ARHGEF10: variants seen among roughly 807,000 people sequenced by gnomAD.
ARHGEF10 encodes the protein Rho guanine nucleotide exchange factor (GEF) 10.
A neutral mutation model predicts 147.4 loss-of-function variants in ARHGEF10; 140 were observed. The ratio of observed to expected loss-of-function variants is 0.95; its 90% confidence interval spans 0.83 to 1.09. The LOEUF is 1.09. ARHGEF10 is among the 50% of genes least tolerant of loss of function. The pLI is 0.00. For synonymous variants in ARHGEF10, 902 were observed against 695.8 expected, an observed-to-expected ratio of 1.30 and a Z score of -4.67; for missense variants, 2,222 against 1,752.7, an observed-to-expected ratio of 1.27 and a Z score of -4.78.
chr8:1,900,031 C>G (rs1383833419), intron 15 of ARHGEF10, among the ~76,000 whole-genome samples: 4 of 152,238 alleles, frequency 2.6e-5, no homozygotes, highest in African/African-American at 4.8e-5. Flanking sequence ...CAAGTGCTGA[C>G]TGTGTTGTGA....
intron 18 of ARHGEF10, 128 bp downstream of exon 18, chr8:1,909,598 G>A (rs1811206304): frequency 7.8e-7 from 1 of 1,279,454 alleles, no homozygotes; most frequent in Non-Finnish European, 1.1e-6. Context: ...GTCTGCAGAG[G>A]TGATCCAGTC....
chr8:1,933,486 C>G (rs1006452033), intron 25 of ARHGEF10, among the ~76,000 whole-genome samples: 1 of 143,376 alleles, frequency 7.0e-6, no homozygotes, highest in South Asian at 2.1e-4. Context: ...CGATCTTACC[C>G]TGAAGGAAGC....
chr8:1,908,270 A>T (rs1008399685), intron 17 of ARHGEF10, among the ~76,000 whole-genome samples: 1 of 130,304 alleles, frequency 7.7e-6, no homozygotes. Context: ...TCGCTCTGTC[A>T]CCCAGGCTGG....
intron 7 of ARHGEF10, chr8:1,869,460 A>C: frequency 2.9e-6 from 2 of 684,856 alleles, no homozygotes; most frequent in Non-Finnish European, 5.3e-6. Context: ...AGGGCAGTTT[A>C]ATCTTACTTA....
chr8:1,951,946 A>ACCACCGTGAGGCGGGGTCTTCCCTGTAG (rs1349959753), intron 27 of ARHGEF10, among the ~76,000 whole-genome samples: 1 of 152,120 alleles, frequency 6.6e-6, no homozygotes, highest in East Asian at 1.9e-4. Context: ...CTTCCCTGTA[A>ACCACCGTGAGGCGGGGTCTTCCCTGTAG]CCGCCGTGAG....
chr8:1,919,644 G>T (rs113628759), intron 18 of ARHGEF10, among the ~76,000 whole-genome samples: 12,619 of 147,682 alleles, frequency 0.085, 740 homozygotes, highest in Middle Eastern at 0.16. Context: ...TTCTGTGGGT[G>T]ATGAGCTGTT....
At chr8:1,836,968 G>A (rs978527759) in intron 1 of ARHGEF10, among the ~76,000 whole-genome samples, 125 of 152,312 alleles carry the variant, frequency 8.2e-4, no homozygotes, top group Middle Eastern at 3.4e-3. Flanking sequence ...ATGATTCTGA[G>A]GCCTCCCCAG....
intron 8 of ARHGEF10, among the ~76,000 whole-genome samples, chr8:1,879,028 C>G (rs1465659482): frequency 6.6e-6 from 1 of 152,200 alleles, no homozygotes; most frequent in Admixed American, 6.5e-5. Context: ...GTGCTGCAGG[C>G]AGCACCAAGT....
chr8:1,830,214 A>C (rs1803007817), intron 1 of ARHGEF10, among the ~76,000 whole-genome samples: 1 of 152,184 alleles, frequency 6.6e-6, no homozygotes, highest in Non-Finnish European at 1.5e-5. Flanking sequence ...GGAGATTTCC[A>C]CTGCAATCCG....
At chr8:1,905,471 T>C in intron 16 of ARHGEF10, 100 bp from the exon 17 acceptor site, 7 of 1,476,594 alleles carry the variant, frequency 4.7e-6, no homozygotes, top group South Asian at 1.1e-5. Flanking sequence ...GCGCTCAGTT[T>C]GGAAAAGTCA....
intron 26 of ARHGEF10, 54 bp from the exon 27 acceptor site, chr8:1,945,427 C>T: frequency 6.5e-7 from 1 of 1,548,620 alleles, no homozygotes; most frequent in Non-Finnish European, 8.7e-7. Context: ...ACCCAACAGG[C>T]CCCACTCAGA....
rs368756089 is a variant in ARHGEF10, at chr8:1,923,515, G to A, written c.2307G>A (p.Arg769=). ...VAHDWTSGLQ[R]LILKKEDEIR... is the part of the protein sequence containing the mutation. ...ATGACTGGACATCAGGTTTACAAAG[G>A]CTTATTTTGAAGAAAGAAGATGAAA... Residue 769 remains arginine, a synonymous_variant, in exon 20 of 29, where the codon AGG becomes AGA. Coordinates refer to ENST00000349830, the MANE Select transcript of ARHGEF10 (RefSeq NM_014629.4). The A allele has an allele frequency of 6.2e-7, 1 of 1,614,080 alleles. No homozygotes were observed. The highest frequency in any genetic ancestry group is 1.7e-5 in the Admixed American group (1 of 60,020).
chr8:1,909,415 G>A lies in ARHGEF10; in HGVS notation c.2088G>A (p.Arg696=). 1 of 1,614,128 alleles carries A rather than the reference G, an allele frequency of 6.2e-7. No individual in the cohort carries two copies. Residue 696 remains arginine, a synonymous_variant, in exon 18 of 29, where the codon AGG becomes AGA. Coordinates refer to ENST00000349830, the MANE Select transcript of ARHGEF10 (RefSeq NM_014629.4). The part of the protein sequence containing the change: ...GSSAGTGEHS[R]HLAVHPPESL... ...GCGCAGGCACGGGCGAGCACAGCAG[G>A]CACCTTGCCGTTCACCCGCCGGAGA... is the stretch of plus-strand genomic sequence containing the variant.
rs974730051 is a variant in ARHGEF10 at position 1,935,237 on chromosome 8, G to C, written c.3222+1295G>C. Among the ~76,000 whole-genome samples the C allele has an allele frequency of 2.6e-5, 4 of 151,862 alleles. No homozygotes were observed. In the East Asian group the frequency reaches 7.7e-4, roughly 29 times the overall value. ...CCCCCCACAACCCCCCATCAGCCCC[G>C]TCCTGGAGTGGTGCGTTTGTTACAG... On this transcript the variant is annotated intron_variant, in intron 26 of 28. Coordinates refer to ENST00000349830, the MANE Select transcript of ARHGEF10 (RefSeq NM_014629.4).
intron 18 of ARHGEF10, among the ~76,000 whole-genome samples, chr8:1,910,951 T>A (rs1219605421): frequency 6.6e-6 from 1 of 152,230 alleles, no homozygotes; most frequent in African/African-American, 2.4e-5. Flanking sequence ...TATGCTGAGC[T>A]AACTTAGATT....
At chr8:1,827,318 C>CT (rs1166809987) in intron 1 of ARHGEF10, among the ~76,000 whole-genome samples, 2 of 151,610 alleles carry the variant, frequency 1.3e-5, no homozygotes, top group African/African-American at 4.8e-5. Context: ...AAAAAGTGAT[C>CT]TTTTTTTTTG....
chr8:1,851,063 G>A (rs958329341), intron 2 of ARHGEF10, among the ~76,000 whole-genome samples: 2 of 152,186 alleles, frequency 1.3e-5, no homozygotes, highest in African/African-American at 4.8e-5. Flanking sequence ...GCGGAGCACG[G>A]GATTTTTAGG....
intron 14 of ARHGEF10, among the ~76,000 whole-genome samples, chr8:1,896,954 G>C (rs1810026529): frequency 6.6e-6 from 1 of 152,224 alleles, no homozygotes; most frequent in South Asian, 2.1e-4. Flanking sequence ...CACGTCCCCT[G>C]ATGGGTGTGG....
In ARHGEF10 at chr8:1,956,772, G is replaced by A. The variant is rs1815601158; in HGVS notation, c.3544G>A (p.Ala1182Thr). 2 of 1,613,872 alleles carry A rather than the reference G, an allele frequency of 1.2e-6. No individual in the cohort carries two copies. Among genetic ancestry groups the A allele is most frequent in the African/African-American group, 1.3e-5 (1 of 74,926 alleles). ...VTGRGMVSYH[A>T]HNSPVKFIVL... Reference sequence around the variant, plus strand: ...AGGAAGAGGCATGGTCTCCTACCATGCACACAACAGTCCTGTCAAATTCAT... The same window carrying A: ...AGGAAGAGGCATGGTCTCCTACCATACACACAACAGTCCTGTCAAATTCAT... Residue 1182 changes from alanine to threonine, a missense_variant, in exon 29 of 29, where the codon GCA becomes ACA. Physicochemically the swap from Ala to Thr is moderately conservative, Grantham distance 58 (BLOSUM62 0). Coordinates refer to ENST00000349830, the MANE Select transcript of ARHGEF10 (RefSeq NM_014629.4).
Sources: allele counts gnomAD v4.1 joint callset (sites outside exome capture counted in the v4.1 genomes callset), GRCh38; gene constraint gnomAD v4.1.1; transcripts MANE v1.5; gene names NCBI Gene and HGNC (gene_info 2026-07-23, HGNC 2026-07-21).